Variants in DOCK4 observed in about 807,000 individuals in gnomAD.
The protein encoded by DOCK4 is dedicator of cytokinesis protein 4.
Under a neutral mutation model 268.1 loss-of-function variants are expected in DOCK4, and 97 were observed. The ratio of observed to expected loss-of-function variants is 0.36; its 90% CI spans 0.31 to 0.43. The LOEUF is 0.43. DOCK4 is among the 20% of genes least tolerant of loss of function. The probability of loss-of-function intolerance (pLI) is 1.00; values close to 1 mark genes in which losing one functional copy is unlikely to be tolerated. For missense variants in DOCK4, 2,145 were observed against 2,455.7 expected (o/e 0.87, Z 2.67); for synonymous variants, 954 against 887.2 (o/e 1.08, Z -1.34).
intron 5 of DOCK4, among the ~76,000 whole-genome samples, chr7:111,992,984 C>A (rs983751473): frequency 6.6e-6 from 1 of 152,218 alleles, no homozygotes; most frequent in East Asian, 1.9e-4. Context: ...CCCTCGAGGT[C>A]GGTTATCTTG....
intron 8 of DOCK4, among the ~76,000 whole-genome samples, chr7:111,958,845 A>G (rs1796640406): frequency 6.6e-6 from 1 of 152,156 alleles, no homozygotes; most frequent in Non-Finnish European, 1.5e-5. Context: ...TGAATAAAGC[A>G]TTTCTTTGCT....
chr7:111,953,425 T>G (rs1292968034), intron 8 of DOCK4, among the ~76,000 whole-genome samples: 1 of 152,134 alleles, frequency 6.6e-6, no homozygotes, highest in Non-Finnish European at 1.5e-5. Context: ...CGTAAGGTGA[T>G]CTGAATTGTT....
intron 35 of DOCK4, 145 bp downstream of exon 35, chr7:111,782,719 C>T (rs548100788): frequency 4.7e-6 from 4 of 850,338 alleles, no homozygotes; most frequent in South Asian, 1.7e-5. Context: ...GCTCACTATG[C>T]TTCTCTTAAA....
At chr7:111,857,558 A>G (rs116207761) in intron 23 of DOCK4, among the ~76,000 whole-genome samples, 2,573 of 152,314 alleles carry the variant, frequency 0.017, 66 homozygotes, top group African/African-American at 0.055. Context: ...CAATTCTTCC[A>G]AAGTAGAAAC....
chr7:111,790,675 A>C (rs1799466411), intron 30 of DOCK4, 70 bp from the exon 31 acceptor site: 2 of 1,432,320 alleles, frequency 1.4e-6, no homozygotes, highest in Admixed American at 2.8e-5. Context: ...TAATATCATA[A>C]AATTTGTTTA....
intron 1 of DOCK4, among the ~76,000 whole-genome samples, chr7:112,091,266 A>G (rs1361309908): frequency 6.6e-6 from 1 of 152,148 alleles, no homozygotes; most frequent in East Asian, 1.9e-4. Flanking sequence ...AAGAAGAAAG[A>G]GAGGTAAAAT....
At chr7:112,062,749 G>A (rs1352412990) in intron 1 of DOCK4, among the ~76,000 whole-genome samples, 6 of 152,026 alleles carry the variant, frequency 3.9e-5, no homozygotes, top group South Asian at 2.1e-4. Context: ...GCACGATCTC[G>A]GCTCACTGCA....
At chr7:112,057,747 C>A (rs1805965634) in intron 1 of DOCK4, among the ~76,000 whole-genome samples, 1 of 151,662 alleles carries the variant, frequency 6.6e-6, no homozygotes, top group Admixed American at 6.6e-5. Context: ...TGCACTCCAA[C>A]CTGGGCAACA....
intron 27 of DOCK4, 78 bp downstream of exon 27, chr7:111,822,284 C>T: frequency 8.0e-7 from 1 of 1,254,116 alleles, no homozygotes; most frequent in African/African-American, 1.6e-5. Flanking sequence ...AACTTGAGAT[C>T]AAATGAAAAA....
intron 16 of DOCK4, among the ~76,000 whole-genome samples, chr7:111,892,569 T>C (rs1477338660): frequency 6.6e-6 from 1 of 152,262 alleles, no homozygotes; most frequent in East Asian, 1.9e-4. Context: ...AATCCAGCTC[T>C]TCCCCACTTC....
At chr7:111,764,378 A>G (rs1179253174) in intron 39 of DOCK4, among the ~76,000 whole-genome samples, 2 of 152,228 alleles carry the variant, frequency 1.3e-5, no homozygotes, top group Non-Finnish European at 2.9e-5. Flanking sequence ...CTGTATTGAG[A>G]ACTAAAGTTG....
chr7:112,058,676 G>A (rs1806074284), intron 1 of DOCK4, among the ~76,000 whole-genome samples: 1 of 152,138 alleles, frequency 6.6e-6, no homozygotes, highest in Non-Finnish European at 1.5e-5. Context: ...TGTCTTATAA[G>A]GGTCATAGAC....
chr7:111,956,665 T>C (rs993253050), intron 8 of DOCK4, among the ~76,000 whole-genome samples: 14 of 152,330 alleles, frequency 9.2e-5, no homozygotes, highest in Admixed American at 5.9e-4. Context: ...TAATTGACTA[T>C]TCCCCTATCT....
At chr7:111,811,811 T>C (rs2133913456) in intron 28 of DOCK4, 63 bp downstream of exon 28, 1 of 978,114 alleles carries the variant, frequency 1.0e-6, no homozygotes, top group East Asian at 2.7e-5. Context: ...TGTTAGGTAA[T>C]TTCCTATAAT....
chr7:112,134,494 C>T lies in DOCK4; in HGVS notation c.37+71608G>A, dbSNP rs188083773. Among the ~76,000 whole-genome samples the T allele has an allele frequency of 9.9e-5, 15 of 152,186 alleles. 1 individual carries two copies. The highest frequency in any genetic ancestry group is 6.5e-4 in the Admixed American group (10 of 15,290). On this transcript the variant is annotated intron_variant, in intron 1 of 52. Transcript: ENST00000428084. ...CAGCACTTTGGGAGGCCAAGGCGGG[C>T]GGAACACAAGGTCAGGAGATCGAGA...
At chr7:112,067,105 G>C (rs913561288) in intron 1 of DOCK4, among the ~76,000 whole-genome samples, 1 of 151,782 alleles carries the variant, frequency 6.6e-6, no homozygotes, top group Non-Finnish European at 1.5e-5. Flanking sequence ...CTTCACCCAG[G>C]GAGGTGGAGG....
chr7:112,200,696 C>T (rs917645351), intron 1 of DOCK4, among the ~76,000 whole-genome samples: 6 of 132,866 alleles, frequency 4.5e-5, no homozygotes, highest in African/African-American at 1.4e-4. Flanking sequence ...TAATCTCCCT[C>T]GTACTAGCTA....
At chr7:111,841,681 G>A (rs539695656) in intron 25 of DOCK4, among the ~76,000 whole-genome samples, 1 of 152,218 alleles carries the variant, frequency 6.6e-6, no homozygotes, top group African/African-American at 2.4e-5. Flanking sequence ...TTCTCACACA[G>A]CAAGGGGTAC....
intron 39 of DOCK4, among the ~76,000 whole-genome samples, chr7:111,763,166 C>G (rs900211177): frequency 1.3e-4 from 19 of 151,992 alleles, no homozygotes; most frequent in African/African-American, 4.3e-4. Flanking sequence ...ATTGATCAAA[C>G]AACAAAAGAC....
Sources: allele counts gnomAD v4.1 joint callset (sites outside exome capture counted in the v4.1 genomes callset), GRCh38; gene constraint gnomAD v4.1.1; transcripts MANE v1.5; gene names NCBI Gene and HGNC (gene_info 2026-07-23, HGNC 2026-07-21).